The following BACE2 variants were observed in gnomAD, a reference collection of about 807,000 sequenced individuals.
BACE2 encodes the protein beta-secretase 2, also known as 56 kDa aspartic-like protease.
BACE2 carries 17 observed loss-of-function variants against 46.2 expected under a neutral mutation model. That is an observed-to-expected ratio of 0.37 (90% CI 0.25 to 0.55). The LOEUF (loss-of-function observed/expected upper bound fraction) is 0.55. Ranked by LOEUF, BACE2 falls within the 20% of genes least tolerant of loss-of-function variation. The pLI, the probability that BACE2 is intolerant of heterozygous loss-of-function variation, is 0.82. For missense variants in BACE2, 595 were observed against 698.1 expected (o/e 0.85, Z 1.66); for synonymous variants, 277 against 295.9 (o/e 0.94, Z 0.66).
chr21:41,186,914 GA>G (rs1985397635), intron 1 of BACE2: 2 of 152,408 alleles, frequency 1.3e-5, no homozygotes, highest in African/African-American at 4.8e-5. Flanking sequence ...CATTGCCATG[GA>G]AAGGGGTGGT....
At chr21:41,241,713 G>A in intron 3 of BACE2, 106 bp from the exon 4 acceptor site, 1 of 1,334,160 alleles carries the variant, frequency 7.5e-7, no homozygotes, top group Non-Finnish European at 1.0e-6. Flanking sequence ...TGAAAAAATT[G>A]AGTATAAACA....
intron 8 of BACE2, among the ~76,000 whole-genome samples, chr21:41,260,367 A>T (rs1236059021): frequency 1.3e-5 from 2 of 151,680 alleles, no homozygotes; most frequent in Non-Finnish European, 2.9e-5. Context: ...CTGGTCTTGA[A>T]CCCCTGGGCT....
chr21:41,241,796 C>CCCT, intron 3 of BACE2, 23 bp from the exon 4 acceptor site: 1 of 1,613,682 alleles, frequency 6.2e-7, no homozygotes, highest in South Asian at 1.1e-5. Flanking sequence ...AAGCGGGTGC[C>CCCT]CCTCTCTGTC....
chr21:41,256,132 G>A (rs1987781570), intron 7 of BACE2, among the ~76,000 whole-genome samples: 3 of 150,922 alleles, frequency 2.0e-5, no homozygotes, highest in Non-Finnish European at 2.9e-5. Flanking sequence ...GGGTACATGT[G>A]CAGAATGTGC....
At chr21:41,219,582 A>G (rs1196747817) in intron 1 of BACE2, among the ~76,000 whole-genome samples, 1 of 152,190 alleles carries the variant, frequency 6.6e-6, no homozygotes, top group East Asian at 1.9e-4. Context: ...AAGAGCAGAA[A>G]AAGAGAGAAC....
chr21:41,218,051 G>A (rs202087334), intron 1 of BACE2, among the ~76,000 whole-genome samples: 2 of 152,210 alleles, frequency 1.3e-5, no homozygotes, highest in African/African-American at 4.8e-5. Context: ...GTGGCTGTTT[G>A]TTAAGGCAGC....
chr21:41,170,244 C>G (rs1283235100), intron 1 of BACE2, among the ~76,000 whole-genome samples: 1 of 151,444 alleles, frequency 6.6e-6, no homozygotes, highest in Non-Finnish European at 1.5e-5. Flanking sequence ...TAAATAATAA[C>G]TTGCCTGTTA....
chr21:41,208,296 C>G (rs1986193528), intron 1 of BACE2, among the ~76,000 whole-genome samples: 1 of 152,266 alleles, frequency 6.6e-6, no homozygotes, highest in Non-Finnish European at 1.5e-5. Flanking sequence ...GCAGTGCACG[C>G]AGGACCGCAC....
Position 41,276,601 on chromosome 21 carries a change from C to T in BACE2, c.*977C>T, listed in dbSNP as rs1373272751. On this transcript the variant is annotated 3_prime_UTR_variant, in exon 9 of 9. Transcript: ENST00000330333. ...TTGATGAGAAAAAACTATTCTATTT[C>T]ACTAGCTTAGTTGTCTCTTTTTCCA... 3.3e-5 allele frequency: 5 copies of T among 152,212 alleles called. No homozygotes were observed. Among genetic ancestry groups the T allele is most frequent in the Admixed American group, 1.3e-4 (2 of 15,284 alleles). The allele number at this position is 152,212 out of a possible 1,614,324, so 9.4% of individuals were successfully genotyped here.
At chr21:41,263,659 C>G (rs1274259648) in intron 8 of BACE2, among the ~76,000 whole-genome samples, 1 of 152,164 alleles carries the variant, frequency 6.6e-6, no homozygotes, top group Non-Finnish European at 1.5e-5. Flanking sequence ...TTTCATTGTC[C>G]TCTGGCTGTG....
In BACE2 at chr21:41,271,559, A is replaced by AT. The variant is rs546048655; in HGVS notation, c.1304-3806dup. On this transcript the variant is annotated intron_variant, in intron 8 of 8. Coordinates refer to ENST00000330333, the MANE Select transcript of BACE2 (RefSeq NM_012105.5). The stretch of plus-strand genomic sequence containing the variant: ...TTTTTCTTTTTGTCTCATTTGTTAC[A>AT]TTTTTTCCCTTTTTTCCTTTTTTGC... 5.9e-5 allele frequency among the ~76,000 whole-genome samples: 9 copies of AT among 152,186 alleles called. 1 individual carries two copies. Among genetic ancestry groups the AT allele is most frequent in the African/African-American group, 7.2e-5 (3 of 41,532 alleles).
At chr21:41,191,942 A>T (rs982179989) in intron 1 of BACE2, among the ~76,000 whole-genome samples, 47 of 150,910 alleles carry the variant, frequency 3.1e-4, no homozygotes, top group African/African-American at 1.1e-3. Flanking sequence ...TTTCTTTGTC[A>T]CCAATTTTCC....
chr21:41,276,192 G>A lies in BACE2; in HGVS notation c.*568G>A, dbSNP rs1174589388. 1 of 154,020 alleles carries A rather than the reference G, an allele frequency of 6.5e-6. No homozygotes were observed. Among genetic ancestry groups the A allele is most frequent in the African/African-American group, 2.4e-5 (1 of 41,422 alleles). The allele number at this position is 154,020 out of a possible 1,614,324, so 9.5% of individuals were successfully genotyped here. On this transcript the variant is annotated 3_prime_UTR_variant, in exon 9 of 9. Transcript: ENST00000330333. Reference sequence around the variant, plus strand: ...CCAGAGCCACAGGCCCCTTTTGTGGGTTTCTCTGTGCTCTGAATGGGAGCC... The same window carrying A: ...CCAGAGCCACAGGCCCCTTTTGTGGATTTCTCTGTGCTCTGAATGGGAGCC...
intron 1 of BACE2, among the ~76,000 whole-genome samples, chr21:41,205,851 C>T (rs73364465): frequency 6.6e-6 from 1 of 152,124 alleles, no homozygotes; most frequent in Non-Finnish European, 1.5e-5. Flanking sequence ...AACACTGTAT[C>T]TTCTTCATCT....
At chr21:41,202,834 C>T (rs1986004078) in intron 1 of BACE2, among the ~76,000 whole-genome samples, 1 of 152,104 alleles carries the variant, frequency 6.6e-6, no homozygotes, top group Non-Finnish European at 1.5e-5. Flanking sequence ...ATTCCAGGCA[C>T]CATTCTCTGG....
chr21:41,227,908 CA>C (rs1197270045), intron 2 of BACE2, among the ~76,000 whole-genome samples: 2 of 152,154 alleles, frequency 1.3e-5, no homozygotes, highest in Admixed American at 1.3e-4. Context: ...CCTCAGTCCC[CA>C]AACAGCCCTC....
rs1033657763 is a variant in BACE2, at chr21:41,197,280, T to G, written c.312+28705T>G. Among the ~76,000 whole-genome samples the G allele has an allele frequency of 9.2e-5, 14 of 151,908 alleles. No homozygotes were observed. The South Asian group carries it at 1.7e-3, about 18-fold the overall frequency. On this transcript the variant is annotated intron_variant, in intron 1 of 8. Transcript: ENST00000330333. ...CAGCCAGCCAGGTTTTTTTTGTTTT[T>G]TTTTTTTTTTAAAGAAATACAGTCT...
intron 7 of BACE2, 63 bp from the exon 8 acceptor site, chr21:41,257,095 T>C: frequency 6.2e-7 from 1 of 1,602,684 alleles, no homozygotes; most frequent in Non-Finnish European, 8.5e-7. Context: ...CCTCAGCAAT[T>C]TTGTGATACT....
chr21:41,189,436 G>T (rs1368581968), intron 1 of BACE2, among the ~76,000 whole-genome samples: 1 of 152,128 alleles, frequency 6.6e-6, no homozygotes, highest in Non-Finnish European at 1.5e-5. Context: ...TTCTCTGAAT[G>T]CTTCTGTTTT....
Sources: allele counts gnomAD v4.1 joint callset (sites outside exome capture counted in the v4.1 genomes callset), GRCh38; gene constraint gnomAD v4.1.1; transcripts MANE v1.5; gene names NCBI Gene and HGNC (gene_info 2026-07-23, HGNC 2026-07-21).